Variants in PEAK1 observed in about 807,000 individuals in gnomAD.
PEAK1 encodes inactive tyrosine-protein kinase PEAK1.
Under a neutral mutation model 124.7 loss-of-function variants are expected in PEAK1, and 54 were observed. That is an observed-to-expected ratio of 0.43 (90% CI 0.35 to 0.54). The LOEUF is 0.54. Ranked by LOEUF, PEAK1 falls within the 20% of genes least tolerant of loss-of-function variation. PEAK1 has a pLI of 0.01. For missense variants in PEAK1, 2,046 were observed against 2,134.5 expected, an observed-to-expected ratio of 0.96 and a Z score of 0.82; for synonymous variants, 719 against 760.0, an observed-to-expected ratio of 0.95 and a Z score of 0.89.
At chr15:77,186,569 C>T (rs1222762504) in intron 6 of PEAK1, among the ~76,000 whole-genome samples, 4 of 152,154 alleles carry the variant, frequency 2.6e-5, no homozygotes, top group Non-Finnish European at 5.9e-5. Context: ...GACACTTATA[C>T]ATATGTAACA....
chr15:77,244,218 C>T (rs1567159203), intron 6 of PEAK1, among the ~76,000 whole-genome samples: 1 of 152,150 alleles, frequency 6.6e-6, no homozygotes, highest in East Asian at 1.9e-4. Flanking sequence ...GATCAAATGA[C>T]AGCAAAAGGA....
intron 6 of PEAK1, among the ~76,000 whole-genome samples, chr15:77,226,516 G>A (rs1308232303): frequency 6.6e-6 from 1 of 152,010 alleles, no homozygotes; most frequent in Non-Finnish European, 1.5e-5. Context: ...AGCCACTCCA[G>A]AGAGTGTTGT....
At chr15:77,291,645 A>G (rs113996010) in intron 2 of PEAK1, among the ~76,000 whole-genome samples, 1,805 of 152,226 alleles carry the variant, frequency 0.012, 30 homozygotes, top group African/African-American at 0.04. Context: ...GTAAAACAGC[A>G]AACTGTTTTC....
intron 4 of PEAK1, 68 bp downstream of exon 4, chr15:77,284,888 TAA>T (rs2062841342): frequency 9.0e-6 from 1 of 111,710 alleles, no homozygotes; most frequent in Non-Finnish European, 1.8e-5. Context: ...TCTTCTCTAC[TAA>T]AACACACACA....
At chr15:77,420,260 T>C (rs1357014222), upstream of PEAK1, 2 of 149,348 alleles carry the variant, frequency 1.3e-5, no homozygotes, top group Non-Finnish European at 3.0e-5. Context: ...CCTGGAGCCG[T>C]GAGCACGCGC....
Position 77,352,986 on chromosome 15 carries a change from C to T in PEAK1, c.-603+12177G>A, listed in dbSNP as rs939483091. ...AGATGCATTACCCTCACATTAAATACTCAGTGAGTAAAACACTCTGGCAAG... is the reference window on the plus strand; with the variant it reads ...AGATGCATTACCCTCACATTAAATATTCAGTGAGTAAAACACTCTGGCAAG... On this transcript the variant is annotated intron_variant, in intron 2 of 9. Transcript: ENST00000682557. The T allele has an allele frequency of 8.1e-6, 8 of 985,338 alleles. No homozygotes were observed. In the African/African-American group the frequency reaches 1.2e-4, roughly 15 times the overall value. The allele number at this position is 985,338 out of a possible 1,614,324, so 61.0% of individuals were successfully genotyped here.
intron 6 of PEAK1, among the ~76,000 whole-genome samples, chr15:77,211,388 G>A (rs1452539831): frequency 6.6e-6 from 1 of 152,072 alleles, no homozygotes; most frequent in Non-Finnish European, 1.5e-5. Context: ...TATTAAACAT[G>A]GATGAAATTC....
At chr15:77,270,042 G>A (rs148806160) in intron 5 of PEAK1, among the ~76,000 whole-genome samples, 2 of 152,284 alleles carry the variant, frequency 1.3e-5, no homozygotes, top group South Asian at 4.1e-4. Context: ...GAGATAGTTT[G>A]TTATAATTTC....
At chr15:77,223,700 T>C (rs988031817) in intron 6 of PEAK1, among the ~76,000 whole-genome samples, 5 of 152,166 alleles carry the variant, frequency 3.3e-5, no homozygotes, top group African/African-American at 9.6e-5. Context: ...GAATACTTAA[T>C]TAAATCTGCT....
rs1262948884 is a variant in PEAK1, at chr15:77,346,440, G to C, written c.-603+18723C>G. ...TAGGATGACAGTGATCAGTCCCTTG[G>C]GGGAGAGGCCAACTCAAGCAGGACT... On this transcript the variant is annotated intron_variant, in intron 2 of 9. Transcript: ENST00000682557. 1.1e-5 allele frequency: 11 copies of C among 985,058 alleles called. No homozygotes were observed. In the South Asian group the frequency reaches 5.2e-4, roughly 46 times the overall value. 61.0% of individuals were successfully genotyped at this position (985,058 alleles called of 1,614,324 possible).
chr15:77,282,236 A>G (rs980289105), intron 5 of PEAK1, among the ~76,000 whole-genome samples: 1 of 151,932 alleles, frequency 6.6e-6, no homozygotes, highest in Non-Finnish European at 1.5e-5. Context: ...TATGACATCA[A>G]AGAGTTCCTC....
At chr15:77,322,129 A>C (rs950427382) in intron 2 of PEAK1, among the ~76,000 whole-genome samples, 1 of 152,248 alleles carries the variant, frequency 6.6e-6, no homozygotes, top group Non-Finnish European at 1.5e-5. Flanking sequence ...CATTCAAAGC[A>C]GTGTGTAGAG....
At chr15:77,120,223 G>A (rs1013275385) in intron 9 of PEAK1, among the ~76,000 whole-genome samples, 1 of 152,056 alleles carries the variant, frequency 6.6e-6, no homozygotes, top group African/African-American at 2.4e-5. Flanking sequence ...ACTCTCTTCC[G>A]CAAGCTTGCT....
chr15:77,139,320 TA>T (rs1396308586), intron 8 of PEAK1, among the ~76,000 whole-genome samples: 1 of 152,152 alleles, frequency 6.6e-6, no homozygotes, highest in African/African-American at 2.4e-5. Flanking sequence ...TACAGTTTTT[TA>T]AAAAATAAGT....
chr15:77,415,286 C>T lies in PEAK1; in HGVS notation c.-666+4720G>A, dbSNP rs141101751. On this transcript the variant is annotated intron_variant, in intron 1 of 9. Transcript: ENST00000682557. ...AGTTTCCTAGTCATGTGTCTGTTTA[C>T]CTCTCTCTCCCTTACCTCCACCCCA... is the stretch of plus-strand genomic sequence containing the variant. Among the ~76,000 whole-genome samples the T allele has an allele frequency of 3.9e-3, 596 of 152,266 alleles. 4 individuals are homozygous for T. The highest frequency in any genetic ancestry group is 0.014 in the African/African-American group (572 of 41,534).
intron 6 of PEAK1, among the ~76,000 whole-genome samples, chr15:77,250,437 GTTTT>G (rs1404258342): frequency 6.7e-6 from 1 of 149,356 alleles, no homozygotes; most frequent in Non-Finnish European, 1.5e-5. Context: ...TTGTTTGTTT[GTTTT>G]TTGTTTTTTG....
At chr15:77,396,000 A>G (rs2070853100) in intron 1 of PEAK1, among the ~76,000 whole-genome samples, 1 of 152,214 alleles carries the variant, frequency 6.6e-6, no homozygotes. Context: ...CAAAAATAAT[A>G]ACTATAACTT....
chr15:77,234,706 G>T (rs1013104464), intron 6 of PEAK1, among the ~76,000 whole-genome samples: 1 of 151,966 alleles, frequency 6.6e-6, no homozygotes, highest in South Asian at 2.1e-4. Context: ...TAAGATCATA[G>T]CTCACTGCAG....
At position 77,238,113 on chromosome 15, in the gene PEAK1, A is replaced by C. The variant is rs1263862315; in HGVS notation, c.-115+14254T>G. ...TTTTTCTTTCTCCCTAATGGTTTTGAACGAAAATATTGTTTCTTTTCGTCT... is the reference window on the plus strand; with the variant it reads ...TTTTTCTTTCTCCCTAATGGTTTTGCACGAAAATATTGTTTCTTTTCGTCT... On this transcript the variant is annotated intron_variant, in intron 6 of 9. Transcript: ENST00000682557. 4.6e-5 allele frequency among the ~76,000 whole-genome samples: 7 copies of C among 152,164 alleles called. No individual in the cohort carries two copies. The South Asian group carries it at 1.5e-3, about 32-fold the overall frequency.
Sources: gnomAD v4.1 joint callset for allele counts (sites outside exome capture counted in the v4.1 genomes callset) on GRCh38, gnomAD v4.1.1 for gene constraint, MANE v1.5 for transcripts, NCBI Gene and HGNC (gene_info 2026-07-23, HGNC 2026-07-21) for gene names.